SKA1: variants seen among roughly 807,000 people sequenced by gnomAD.
SKA1 encodes the protein spindle and kinetochore associated complex subunit 1, also known as SKA complex subunit 1.
In SKA1, 20 loss-of-function variants were observed where a neutral mutation model predicts 31.8. The ratio of observed to expected loss-of-function variants is 0.63; its 90% CI spans 0.44 to 0.91. SKA1 has a LOEUF of 0.91. Ranked by LOEUF, SKA1 falls within the 40% of genes least tolerant of loss-of-function variation. The pLI is 0.00. For synonymous variants in SKA1, 88 were observed against 100.5 expected (o/e 0.88, Z 0.74); for missense variants, 253 against 298.2 (o/e 0.85, Z 1.12).
At chr18:50,382,635 T>C (rs944822421) in intron 4 of SKA1, among the ~76,000 whole-genome samples, 2 of 151,522 alleles carry the variant, frequency 1.3e-5, no homozygotes, top group African/African-American at 4.9e-5. Flanking sequence ...CAATGAAAAA[T>C]GTCTCCAGAC....
At chr18:50,377,735 A>G (rs1276081173) in intron 2 of SKA1, among the ~76,000 whole-genome samples, 2 of 152,190 alleles carry the variant, frequency 1.3e-5, no homozygotes, top group African/African-American at 4.8e-5. Context: ...TGTATTATGA[A>G]TTGGTAGTTT....
chr18:50,393,322 A>G lies in SKA1; in HGVS notation c.*1075A>G, dbSNP rs1489144587. ...GAGACTCCATCTCAGAAAAAAAGAA[A>G]AAAAGACTGGGTACAGATGTGATAT... is the stretch of plus-strand genomic sequence containing the variant. On this transcript the variant is annotated 3_prime_UTR_variant, in exon 7 of 7. Transcript: ENST00000285116. 2 of 152,574 alleles carry G rather than the reference A, an allele frequency of 1.3e-5. No individual in the cohort carries two copies. Among genetic ancestry groups the G allele is most frequent in the Non-Finnish European group, 2.9e-5 (2 of 68,214 alleles). The allele number at this position is 152,574 out of a possible 1,614,324, so 9.5% of individuals were successfully genotyped here.
At chr18:50,380,734 G>C (rs149065845) in intron 3 of SKA1, among the ~76,000 whole-genome samples, 74 of 152,240 alleles carry the variant, frequency 4.9e-4, no homozygotes, top group African/African-American at 1.7e-3. Flanking sequence ...GTAATATAAG[G>C]GTTCTCAGGT....
intron 2 of SKA1, 23 bp downstream of exon 2, chr18:50,375,941 A>G (rs769961010): frequency 1.4e-6 from 2 of 1,423,594 alleles, no homozygotes; most frequent in East Asian, 4.6e-5. Context: ...GATTCCACTG[A>G]CTTTGTATAT....
chr18:50,384,779 C>T (rs1416107301), intron 4 of SKA1, among the ~76,000 whole-genome samples: 1 of 134,112 alleles, frequency 7.5e-6, no homozygotes, highest in Non-Finnish European at 1.5e-5. Flanking sequence ...GTGGGTGCAG[C>T]GCACCAGCAT....
At chr18:50,376,085 A>G (rs2041213072) in intron 2 of SKA1, among the ~76,000 whole-genome samples, 167 bp downstream of exon 2, 1 of 152,240 alleles carries the variant, frequency 6.6e-6, no homozygotes, top group African/African-American at 2.4e-5. Context: ...TGTGGAGGAT[A>G]CTAAAAATGT....
At chr18:50,386,476 C>A (rs2041308755) in intron 5 of SKA1, among the ~76,000 whole-genome samples, 2 of 152,158 alleles carry the variant, frequency 1.3e-5, no homozygotes, top group Non-Finnish European at 2.9e-5. Flanking sequence ...TGTTCTCATA[C>A]CGCTTCTCCC....
At position 50,375,843 on chromosome 18, in the gene SKA1, G is replaced by A; in HGVS notation, c.13G>A (p.Asp5Asn). 1 of 1,608,186 alleles carries A rather than the reference G, an allele frequency of 6.2e-7. No homozygotes were observed. The highest frequency in any genetic ancestry group is 8.5e-7 in the Non-Finnish European group (1 of 1,177,642). The change falls in exon 2 of 7, where the codon GAT (aspartate) becomes AAT (asparagine). Residue 5 changes from aspartate (D) to asparagine (N), a missense_variant. By Grantham distance (23) the Asp-to-Asn change is conservative (BLOSUM62 1). Coordinates refer to ENST00000285116, the MANE Select transcript of SKA1 (RefSeq NM_145060.4). MASS[D>N]LEQLCSHVNE... ...AGAGGCTTAAAGGATGGCCTCGTCAGATCTGGAACAATTATGCTCTCATGT... is the reference window on the plus strand; with the variant it reads ...AGAGGCTTAAAGGATGGCCTCGTCAAATCTGGAACAATTATGCTCTCATGT...
At chr18:50,382,075 TA>T in intron 3 of SKA1, 53 bp from the exon 4 acceptor site, 1 of 1,079,242 alleles carries the variant, frequency 9.3e-7, no homozygotes, top group Non-Finnish European at 1.3e-6. Flanking sequence ...TAGAATATCT[TA>T]AAACACACAT....
At chr18:50,378,928 CTGAG>C (rs748498960) in intron 2 of SKA1, among the ~76,000 whole-genome samples, 99 of 152,122 alleles carry the variant, frequency 6.5e-4, no homozygotes, top group Non-Finnish European at 1.1e-3. Context: ...TTAGCATTTA[CTGAG>C]TATTACGTTC....
intron 4 of SKA1, 148 bp from the exon 5 acceptor site, chr18:50,385,068 C>A (rs7234010): frequency 0.68 from 397,317 of 587,324 alleles, 135,564 homozygotes; most frequent in Admixed American, 0.78. Flanking sequence ...TGTTCATGAA[C>A]AATAGACATA....
At chr18:50,389,782 C>T (rs1283989852) in intron 5 of SKA1, among the ~76,000 whole-genome samples, 1 of 152,128 alleles carries the variant, frequency 6.6e-6, no homozygotes, top group Non-Finnish European at 1.5e-5. Context: ...TATTGTTGCT[C>T]ATTGGCTGAG....
chr18:50,387,661 GC>G (rs2149322430), intron 5 of SKA1, among the ~76,000 whole-genome samples: 1 of 152,258 alleles, frequency 6.6e-6, no homozygotes, highest in South Asian at 2.1e-4. Flanking sequence ...TGCTGATGGA[GC>G]CCATCAAAGG....
chr18:50,387,472 TC>T (rs1215136608), intron 5 of SKA1, among the ~76,000 whole-genome samples: 1 of 152,252 alleles, frequency 6.6e-6, no homozygotes, highest in Non-Finnish European at 1.5e-5. Flanking sequence ...ATATCTTTCT[TC>T]CTCTCCTCTA....
intron 5 of SKA1, among the ~76,000 whole-genome samples, chr18:50,386,765 G>A (rs75750808): frequency 0.075 from 11,443 of 152,194 alleles, 523 homozygotes; most frequent in Non-Finnish European, 0.11. Flanking sequence ...AATGTTATAT[G>A]GTTAGAGTCA....
chr18:50,390,467 A>C (rs1467606898), intron 5 of SKA1, among the ~76,000 whole-genome samples: 2 of 152,226 alleles, frequency 1.3e-5, no homozygotes, highest in African/African-American at 4.8e-5. Context: ...AGGACGGACA[A>C]GAGGGAGGTT....
chr18:50,389,464 C>T (rs935304476), intron 5 of SKA1, among the ~76,000 whole-genome samples: 7 of 144,610 alleles, frequency 4.8e-5, no homozygotes, highest in South Asian at 2.2e-4. Context: ...GGCATGATCT[C>T]GGCTCACTGC....
chr18:50,380,836 T>C (rs7230337), intron 3 of SKA1, among the ~76,000 whole-genome samples: 104,297 of 152,112 alleles, frequency 0.69, 35,929 homozygotes, highest in East Asian at 0.81. Context: ...GTGCACTTCC[T>C]GAGGGGGAAA....
Position 50,392,236 on chromosome 18 carries a change from G to A in SKA1, c.757G>A (p.Val253Ile). The stretch of plus-strand genomic sequence containing the variant: ...CCGAGGGGGAGGACTTACTCGTTAT[G>A]TTATAACCTGAGTCCCTTGTGAACT... ...EVRGGGLTRY[V>I]IT The change falls in exon 7 of 7, where the codon GTT becomes ATT. Residue 253 changes from valine to isoleucine, a missense_variant. Physicochemically the swap from Val to Ile is conservative, Grantham distance 29 (BLOSUM62 3). Coordinates refer to ENST00000285116, the MANE Select transcript of SKA1 (RefSeq NM_145060.4). 6.3e-7 allele frequency: 1 copy of A among 1,577,630 alleles called. No homozygotes were observed. Among genetic ancestry groups the A allele is most frequent in the Middle Eastern group, 1.7e-4 (1 of 5,906 alleles).
Sources: gnomAD v4.1 joint callset for allele counts (sites outside exome capture counted in the v4.1 genomes callset) on GRCh38, gnomAD v4.1.1 for gene constraint, MANE v1.5 for transcripts, NCBI Gene and HGNC (gene_info 2026-07-23, HGNC 2026-07-21) for gene names.